The following PDE11A variants were observed in gnomAD, a reference collection of about 807,000 sequenced individuals.
PDE11A encodes phosphodiesterase 11A.
In PDE11A, 100 loss-of-function variants were observed where a neutral mutation model predicts 100.5. That is an observed-to-expected ratio of 1.00 (90% CI 0.85 to 1.18). The LOEUF is 1.18. Among genes scored for constraint, PDE11A ranks in the 50% most tolerant of loss-of-function variants. The probability of loss-of-function intolerance (pLI) is 0.00; values close to 1 mark genes in which losing one functional copy is unlikely to be tolerated. For synonymous variants in PDE11A, 381 were observed against 420.8 expected (o/e 0.91, Z 1.16); for missense variants, 1,141 against 1,152.6 (o/e 0.99, Z 0.15).
chr2:177,682,452 CTT>C (rs959060795), intron 15 of PDE11A, among the ~76,000 whole-genome samples: 7 of 152,220 alleles, frequency 4.6e-5, no homozygotes, highest in African/African-American at 1.4e-4. Context: ...GTCACAGACA[CTT>C]TTTGGTTTAC....
Position 177,629,259 on chromosome 2 carries a change from G to T in PDE11A, c.*148C>A. 1.3e-6 allele frequency: 1 copy of T among 763,238 alleles called. No individual in the cohort carries two copies. Among genetic ancestry groups the T allele is most frequent in the Non-Finnish European group, 2.3e-6 (1 of 427,518 alleles). The allele number at this position is 763,238 out of a possible 1,614,324, so 47.3% of individuals were successfully genotyped here. The stretch of plus-strand genomic sequence containing the variant: ...CGTTGCTCTCTCTGCTGCTGACCAT[G>T]CTTCAAGGTGAAAGCCCAGGCATGC... On this transcript the variant is annotated 3_prime_UTR_variant, in exon 20 of 20. Transcript: ENST00000286063.
chr2:177,820,116 C>G (rs991823373), intron 7 of PDE11A, 104 bp downstream of exon 7: 4 of 713,690 alleles, frequency 5.6e-6, no homozygotes, highest in African/African-American at 1.8e-5. Context: ...TTTGATGAGT[C>G]CTGGCCATAA....
At chr2:177,723,952 C>A (rs2081565255) in intron 12 of PDE11A, among the ~76,000 whole-genome samples, 1 of 151,990 alleles carries the variant, frequency 6.6e-6, no homozygotes, top group African/African-American at 2.4e-5. Context: ...TGTCCCTCAT[C>A]TTTTATCATG....
chr2:177,835,739 C>T lies in PDE11A; in HGVS notation c.1500+4512G>A, dbSNP rs147127794. 7.6e-3 allele frequency among the ~76,000 whole-genome samples: 1,153 copies of T among 152,252 alleles called. 16 individuals are homozygous for T. Among genetic ancestry groups the T allele is most frequent in the African/African-American group, 0.026 (1,063 of 41,548 alleles). On this transcript the variant is annotated intron_variant, in intron 6 of 19. Transcript: ENST00000286063. Reference sequence around the variant, plus strand: ...CAGCCCACCACAAGTTCTGGGTGGGCGTGGGCTCCGCGGGCCCTGCATTCG... The same window carrying T: ...CAGCCCACCACAAGTTCTGGGTGGGTGTGGGCTCCGCGGGCCCTGCATTCG...
chr2:177,796,738 G>A (rs1238249662), intron 9 of PDE11A, among the ~76,000 whole-genome samples: 1 of 152,114 alleles, frequency 6.6e-6, no homozygotes, highest in Non-Finnish European at 1.5e-5. Flanking sequence ...CTATAAACAC[G>A]GCTTTCATAA....
intron 19 of PDE11A, among the ~76,000 whole-genome samples, chr2:177,639,860 G>A (rs1175429171): frequency 1.3e-5 from 2 of 152,192 alleles, no homozygotes; most frequent in East Asian, 3.8e-4. Context: ...CCTATACTCT[G>A]TTGTTGGAAA....
chr2:177,972,759 C>A (rs1268562490), intron 2 of PDE11A, among the ~76,000 whole-genome samples: 1 of 152,138 alleles, frequency 6.6e-6, no homozygotes, highest in Admixed American at 6.5e-5. Flanking sequence ...GAACAAGCAT[C>A]CCAACTGGTC....
At chr2:178,037,132 G>C (rs547227548) in intron 1 of PDE11A, among the ~76,000 whole-genome samples, 1 of 152,164 alleles carries the variant, frequency 6.6e-6, no homozygotes, top group Non-Finnish European at 1.5e-5. Flanking sequence ...ATCTGACAAA[G>C]GTCTAATATC....
intron 1 of PDE11A, among the ~76,000 whole-genome samples, chr2:178,050,646 G>A (rs1198713194): frequency 1.3e-5 from 2 of 152,192 alleles, no homozygotes; most frequent in African/African-American, 4.8e-5. Flanking sequence ...AATAAACAGT[G>A]TAGAGAAGAC....
rs190721011 is a variant in PDE11A at position 178,037,960 on chromosome 2, G to A, written c.913-23500C>T. ...GCTAGATGACGGGTTGATAGGTGCAGCAAACCACCATGGCACATGTATACC... is the reference window on the plus strand; with the variant it reads ...GCTAGATGACGGGTTGATAGGTGCAACAAACCACCATGGCACATGTATACC... On this transcript the variant is annotated intron_variant, in intron 1 of 19. Transcript: ENST00000286063. Among the ~76,000 whole-genome samples the A allele has an allele frequency of 2.2e-3, 340 of 152,036 alleles. 1 individual carries two copies. The highest frequency in any genetic ancestry group is 1.2e-3 in the Non-Finnish European group (81 of 67,984).
chr2:177,986,430 T>C (rs546861936), intron 2 of PDE11A, among the ~76,000 whole-genome samples: 1 of 152,334 alleles, frequency 6.6e-6, no homozygotes, highest in Non-Finnish European at 1.5e-5. Flanking sequence ...ATGTTCTTCC[T>C]CTTAGACACA....
chr2:177,799,113 A>G lies in PDE11A; in HGVS notation c.1737+17716T>C, dbSNP rs542854592. ...TGAGGAAAACATTGAACAAATTCTA[A>G]TAGAGGGAAACTCTACAAAATACCT... On this transcript the variant is annotated intron_variant, in intron 9 of 19. Transcript: ENST00000286063. Among the ~76,000 whole-genome samples, 7 of 152,302 alleles carry G rather than the reference A, an allele frequency of 4.6e-5. No homozygotes were observed. In the South Asian group the frequency reaches 1.4e-3, roughly 32 times the overall value.
intron 6 of PDE11A, among the ~76,000 whole-genome samples, chr2:177,836,666 G>T (rs1396283593): frequency 1.3e-5 from 2 of 152,192 alleles, no homozygotes; most frequent in Admixed American, 6.5e-5. Context: ...CACTCTTTGG[G>T]TCTGCACTGC....
intron 2 of PDE11A, among the ~76,000 whole-genome samples, chr2:177,941,630 T>C (rs149006921): frequency 1.3e-5 from 2 of 152,324 alleles, no homozygotes; most frequent in Non-Finnish European, 2.9e-5. Context: ...GAATTACCTT[T>C]ATTTGACCTG....
intron 9 of PDE11A, among the ~76,000 whole-genome samples, chr2:177,801,991 G>A (rs1268698912): frequency 1.7e-5 from 1 of 57,808 alleles, no homozygotes; most frequent in Non-Finnish European, 3.7e-5. Context: ...TATCCAGGAT[G>A]TATAAAGAAC....
chr2:177,917,789 C>CT (rs529424221), intron 2 of PDE11A, among the ~76,000 whole-genome samples: 5 of 152,048 alleles, frequency 3.3e-5, no homozygotes, highest in African/African-American at 9.6e-5. Flanking sequence ...ACTTATATAT[C>CT]TTTTTTTTAA....
At chr2:177,870,542 A>C (rs2084113101) in intron 5 of PDE11A, among the ~76,000 whole-genome samples, 1 of 152,238 alleles carries the variant, frequency 6.6e-6, no homozygotes, top group African/African-American at 2.4e-5. Context: ...AAGTGTGAGA[A>C]AAAGTGCCTT....
chr2:177,819,732 T>C (rs902691172), intron 7 of PDE11A, among the ~76,000 whole-genome samples: 1 of 152,046 alleles, frequency 6.6e-6, no homozygotes, highest in African/African-American at 2.4e-5. Context: ...ACACCATGTA[T>C]AAAAAGCACA....
intron 16 of PDE11A, among the ~76,000 whole-genome samples, chr2:177,677,580 G>A (rs747667752): frequency 1.3e-4 from 20 of 152,128 alleles, no homozygotes; most frequent in Non-Finnish European, 2.5e-4. Flanking sequence ...GAAACTTTAG[G>A]TGGTGGATGT....
Sources: gnomAD v4.1 joint callset for allele counts (sites outside exome capture counted in the v4.1 genomes callset) on GRCh38, gnomAD v4.1.1 for gene constraint, MANE v1.5 for transcripts, NCBI Gene and HGNC (gene_info 2026-07-23, HGNC 2026-07-21) for gene names.